Variants in CRKL observed in about 807,000 individuals in gnomAD.
CRKL encodes the protein CRK like proto-oncogene, adaptor protein.
In CRKL, 3 loss-of-function variants were observed where a neutral mutation model predicts 23.0. The ratio of observed to expected loss-of-function variants is 0.13; its 90% CI spans 0.06 to 0.34. CRKL has a LOEUF of 0.34. Ranked by LOEUF, CRKL falls within the 10% of genes least tolerant of loss-of-function variation. The probability of loss-of-function intolerance (pLI) is 1.00; values close to 1 mark genes in which losing one functional copy is unlikely to be tolerated. For synonymous variants in CRKL, 188 were observed against 160.7 expected (o/e 1.17, Z -1.28); for missense variants, 256 against 394.5 (o/e 0.65, Z 2.97).
Position 20,934,007 on chromosome 22 carries a change from G to A in CRKL, c.540G>A (p.Lys180=), listed in dbSNP as rs1275693599. ...TGATTCCTGTCCCTTATGTCGAAAA[G>A]CTTGTGAGATCCTCACCACACGGAA... ...VGMIPVPYVE[K]LVRSSPHGKH... Residue 180 remains lysine, a synonymous_variant, in exon 2 of 3, where the codon AAG becomes AAA. Transcript: ENST00000354336. The A allele has an allele frequency of 3.1e-6, 5 of 1,614,060 alleles. No individual in the cohort carries two copies. The highest frequency in any genetic ancestry group is 4.2e-6 in the Non-Finnish European group (5 of 1,180,038).
chr22:20,921,314 T>C (rs1443358942), intron 1 of CRKL, among the ~76,000 whole-genome samples: 2 of 152,246 alleles, frequency 1.3e-5, no homozygotes, highest in Non-Finnish European at 2.9e-5. Context: ...TGTTATAGTC[T>C]TATCCTTTTC....
At chr22:20,944,083 G>C (rs1921969205) in intron 2 of CRKL, among the ~76,000 whole-genome samples, 1 of 145,102 alleles carries the variant, frequency 6.9e-6, no homozygotes, top group Admixed American at 6.9e-5. Context: ...AAAAAAGGCT[G>C]TTAGAATTTT....
chr22:20,939,526 G>A (rs1290470624), intron 2 of CRKL, among the ~76,000 whole-genome samples: 9 of 151,832 alleles, frequency 5.9e-5, no homozygotes, highest in African/African-American at 1.5e-4. Flanking sequence ...GATTACAGGC[G>A]TGAGCCACCG....
At chr22:20,948,124 T>C (rs1922136410) in intron 2 of CRKL, among the ~76,000 whole-genome samples, 1 of 152,210 alleles carries the variant, frequency 6.6e-6, no homozygotes, top group Admixed American at 6.5e-5. Context: ...TTTAATTGAT[T>C]AGGTAGGATC....
chr22:20,918,880 A>G (rs9613274), intron 1 of CRKL, among the ~76,000 whole-genome samples: 116,150 of 151,772 alleles, frequency 0.77, 45,020 homozygotes, highest in East Asian at 0.92. Context: ...GTGAGCCACC[A>G]CACCCGGCCA....
Position 20,922,238 on chromosome 22 carries a change from G to T in CRKL, c.311+3993G>T, listed in dbSNP as rs111969413. Among the ~76,000 whole-genome samples, 797 of 151,688 alleles carry T rather than the reference G, an allele frequency of 5.3e-3. 3 individuals are homozygous for T. Among genetic ancestry groups the T allele is most frequent in the Non-Finnish European group, 8.3e-3 (566 of 67,926 alleles). Reference sequence around the variant, plus strand: ...AGGTTTCACCATGTTGGCCAGGATGGTCCCTATATCTTGACCTCATGATCC... The same window carrying T: ...AGGTTTCACCATGTTGGCCAGGATGTTCCCTATATCTTGACCTCATGATCC... On this transcript the variant is annotated intron_variant, in intron 1 of 2. Transcript: ENST00000354336.
In CRKL at chr22:20,952,982, A is replaced by G. The variant is rs1922332955; in HGVS notation, c.*3137A>G. On this transcript the variant is annotated 3_prime_UTR_variant, in exon 3 of 3. Coordinates refer to ENST00000354336, the MANE Select transcript of CRKL (RefSeq NM_005207.4). Reference sequence around the variant, plus strand: ...GACAGCTGTGCCCTCCTGGGAGCTCATGTGTCCCTGGCGCTGTGCTAGCTT... The same window carrying G: ...GACAGCTGTGCCCTCCTGGGAGCTCGTGTGTCCCTGGCGCTGTGCTAGCTT... 2 of 231,556 alleles carry G rather than the reference A, an allele frequency of 8.6e-6. No individual in the cohort carries two copies. The highest frequency in any genetic ancestry group is 5.6e-5 in the Admixed American group (1 of 17,708). 14.3% of individuals were successfully genotyped at this position (231,556 alleles called of 1,614,324 possible). A position where few individuals can be genotyped will look rare whatever the true frequency, so the allele number is the denominator to read the frequency against.
At chr22:20,947,547 C>T (rs1922108496) in intron 2 of CRKL, among the ~76,000 whole-genome samples, 1 of 151,884 alleles carries the variant, frequency 6.6e-6, no homozygotes, top group Admixed American at 6.6e-5. Context: ...GCCGTGTTGG[C>T]CATGCTGGTC....
At position 20,953,388 on chromosome 22, in the gene CRKL, G is replaced by A; in HGVS notation, c.*3543G>A. The A allele has an allele frequency of 4.3e-6, 1 of 231,130 alleles. No individual in the cohort carries two copies. Among genetic ancestry groups the A allele is most frequent in the East Asian group, 6.2e-5 (1 of 16,178 alleles). 14.3% of individuals were successfully genotyped at this position (231,130 alleles called of 1,614,324 possible). Reference sequence around the variant, plus strand: ...CGTTGTCCCTACAGGAGGAACAGTGGCCTTGCTTCTTAGACGGTCTTCACT... The same window carrying A: ...CGTTGTCCCTACAGGAGGAACAGTGACCTTGCTTCTTAGACGGTCTTCACT... On this transcript the variant is annotated 3_prime_UTR_variant, in exon 3 of 3. Transcript: ENST00000354336.
In CRKL at chr22:20,950,401, TTTTGTTTTG is replaced by T. The variant is rs1291956600; in HGVS notation, c.*569_*577del. 3.0e-5 allele frequency: 7 copies of T among 232,372 alleles called. No homozygotes were observed. The highest frequency in any genetic ancestry group is 6.6e-5 in the African/African-American group (3 of 45,146). The allele number at this position is 232,372 out of a possible 1,614,324, so 14.4% of individuals were successfully genotyped here. On this transcript the variant is annotated 3_prime_UTR_variant, in exon 3 of 3. Transcript: ENST00000354336. ...AGACTTGTGTGGGGGTTTTTTTTTG[TTTTGTTTTG>T]TTTGTTTTGTTTTGTTTTTTTGAGA...
chr22:20,921,222 G>T lies in CRKL; in HGVS notation c.311+2977G>T, dbSNP rs567414841. Among the ~76,000 whole-genome samples the T allele has an allele frequency of 8.6e-4, 131 of 152,288 alleles. 3 individuals are homozygous for T. The South Asian group carries it at 0.023, about 26-fold the overall frequency. On this transcript the variant is annotated intron_variant, in intron 1 of 2. Transcript: ENST00000354336. ...TAAAGCCAGAGTTTCATGCCTCTTGGCTAATATTTTGGTTTATCTTGCATA... is the reference window on the plus strand; with the variant it reads ...TAAAGCCAGAGTTTCATGCCTCTTGTCTAATATTTTGGTTTATCTTGCATA...
intron 2 of CRKL, among the ~76,000 whole-genome samples, chr22:20,937,798 T>G (rs947346107): frequency 6.6e-6 from 1 of 152,080 alleles, no homozygotes; most frequent in Non-Finnish European, 1.5e-5. Context: ...ACCTGAGAAA[T>G]AGACCTTTAC....
intron 2 of CRKL, among the ~76,000 whole-genome samples, chr22:20,935,754 G>C (rs1921637177): frequency 6.6e-6 from 1 of 151,966 alleles, no homozygotes; most frequent in South Asian, 2.1e-4. Flanking sequence ...TCGAACTCCT[G>C]ACCTCAGGTG....
intron 2 of CRKL, 133 bp from the exon 3 acceptor site, chr22:20,949,578 G>T: frequency 8.1e-7 from 1 of 1,235,898 alleles, no homozygotes; most frequent in Non-Finnish European, 1.1e-6. Flanking sequence ...CTCCAGCATG[G>T]CTAACAGAGT....
chr22:20,951,831 G>A lies in CRKL; in HGVS notation c.*1986G>A, dbSNP rs552431165. On this transcript the variant is annotated 3_prime_UTR_variant, in exon 3 of 3. Transcript: ENST00000354336. ...TTAATGGTCATTTGGGAAAACTATC[G>A]CCATGGCTTCCCATCTGTGGTTTTC... 12 of 221,076 alleles carry A rather than the reference G, an allele frequency of 5.4e-5. No individual in the cohort carries two copies. The South Asian group carries it at 9.2e-4, about 17-fold the overall frequency. The allele number at this position is 221,076 out of a possible 1,614,324, so 13.7% of individuals were successfully genotyped here. A position where few individuals can be genotyped will look rare whatever the true frequency, so the allele number is the denominator to read the frequency against.
rs534911557 is a variant in CRKL at position 20,923,715 on chromosome 22, C to G, written c.311+5470C>G. On this transcript the variant is annotated intron_variant, in intron 1 of 2. Transcript: ENST00000354336. ...TCAGCCTCCCAAGTAGCTGGGACTACAGGCGCACGCGCTACCACACCTGGC... is the reference window on the plus strand; with the variant it reads ...TCAGCCTCCCAAGTAGCTGGGACTAGAGGCGCACGCGCTACCACACCTGGC... Among the ~76,000 whole-genome samples, 262 of 151,886 alleles carry G rather than the reference C, an allele frequency of 1.7e-3. 1 individual carries two copies. In the Middle Eastern group the frequency reaches 0.02, roughly 12 times the overall value.
In CRKL at chr22:20,953,404, G is replaced by A. The variant is rs2043348165; in HGVS notation, c.*3559G>A. Reference sequence around the variant, plus strand: ...GGAACAGTGGCCTTGCTTCTTAGACGGTCTTCACTGTGTGTTTTAAAACAA... The same window carrying A: ...GGAACAGTGGCCTTGCTTCTTAGACAGTCTTCACTGTGTGTTTTAAAACAA... On this transcript the variant is annotated 3_prime_UTR_variant, in exon 3 of 3. Transcript: ENST00000354336. The A allele has an allele frequency of 8.9e-6, 2 of 224,924 alleles. No homozygotes were observed. Among genetic ancestry groups the A allele is most frequent in the Non-Finnish European group, 1.7e-5 (2 of 115,670 alleles). The allele number at this position is 224,924 out of a possible 1,614,324, so 13.9% of individuals were successfully genotyped here. A position where few individuals can be genotyped will look rare whatever the true frequency, so the allele number is the denominator to read the frequency against.
intron 2 of CRKL, among the ~76,000 whole-genome samples, chr22:20,945,351 G>A (rs186274867): frequency 1.3e-5 from 2 of 152,162 alleles, no homozygotes; most frequent in East Asian, 3.9e-4. Context: ...ATATCTATGT[G>A]TTGATCTCGT....
chr22:20,933,751 C>T (rs1042313936), intron 1 of CRKL, 28 bp from the exon 2 acceptor site: 9 of 1,560,730 alleles, frequency 5.8e-6, no homozygotes, highest in Admixed American at 1.8e-5. Flanking sequence ...AGATTTTTCT[C>T]TTAGAGTAAT....
Sources: gnomAD v4.1 joint callset for allele counts (sites outside exome capture counted in the v4.1 genomes callset) on GRCh38, gnomAD v4.1.1 for gene constraint, MANE v1.5 for transcripts, NCBI Gene and HGNC (gene_info 2026-07-23, HGNC 2026-07-21) for gene names.